POMT2: variants seen among roughly 807,000 people sequenced by gnomAD.
The protein encoded by POMT2 is protein O-mannosyltransferase 2.
POMT2 carries 75 observed loss-of-function variants against 100.0 expected under a neutral mutation model. The observed-to-expected ratio is 0.75, with a 90% CI of 0.62 to 0.91. The LOEUF (loss-of-function observed/expected upper bound fraction) is 0.91. Ranked by LOEUF, POMT2 falls within the 40% of genes least tolerant of loss-of-function variation. POMT2 has a pLI of 0.00. For synonymous variants in POMT2, 378 were observed against 374.1 expected (o/e 1.01, Z -0.12); for missense variants, 940 against 955.1 (o/e 0.98, Z 0.21).
chr14:77,280,329 C>A, intron 16 of POMT2, 63 bp downstream of exon 16: 1 of 1,610,862 alleles, frequency 6.2e-7, no homozygotes, highest in Non-Finnish European at 8.5e-7. Context: ...CCCGCCTCCA[C>A]CGGTCTCCCT....
chr14:77,278,703 CCCAAGT>C lies in POMT2; in HGVS notation c.2032+20_2032+25del, dbSNP rs761470810. ...GGCCCGCCCTCCACCTGCTCTGTCT[CCCAAGT>C]CCAGGTGGGTGGCACTGACCTGTCA... On this transcript the variant is annotated intron_variant, in intron 19 of 20. Transcript: ENST00000261534. 2.9e-5 allele frequency: 46 copies of C among 1,613,546 alleles called. No individual in the cohort carries two copies. The highest frequency in any genetic ancestry group is 3.9e-5 in the Non-Finnish European group (46 of 1,179,812).
intron 4 of POMT2, among the ~76,000 whole-genome samples, chr14:77,304,418 T>C (rs1891154193): frequency 6.6e-6 from 1 of 152,232 alleles, no homozygotes; most frequent in Non-Finnish European, 1.5e-5. Context: ...TTATTACCCA[T>C]TCCAAACTCA....
Position 77,278,856 on chromosome 14 carries a change from G to T in POMT2, c.1905C>A (p.Val635=). The T allele has an allele frequency of 1.9e-6, 3 of 1,613,310 alleles. No homozygotes were observed. Among genetic ancestry groups the T allele is most frequent in the Non-Finnish European group, 2.5e-6 (3 of 1,179,792 alleles). The change falls in exon 19 of 21, where the codon GTC becomes GTA. Residue 635 remains valine (V), a synonymous_variant. Transcript: ENST00000261534. ...LPAEVAGLSQ[V]LLRGGGQVLL... ...GGACCTGGCCGCCTCCTCGAAGCAGGACCTGGGACAACCCTGGGCCCAAGC... is the reference window on the plus strand; with the variant it reads ...GGACCTGGCCGCCTCCTCGAAGCAGTACCTGGGACAACCCTGGGCCCAAGC...
rs945916918 is a variant in POMT2 at position 77,291,472 on chromosome 14, C to T, written c.1117-92G>A. On this transcript the variant is annotated intron_variant, in intron 9 of 20. Transcript: ENST00000261534. ...CTGGCCAAGGACAATCAACCTCAAA[C>T]CAATGTTGCTTAAGCCAATTTCAGA... The T allele has an allele frequency of 4.6e-6, 7 of 1,528,718 alleles. No homozygotes were observed. The Admixed American group carries it at 1.4e-4, about 30-fold the overall frequency. The allele number at this position is 1,528,718 out of a possible 1,614,324, so 94.7% of individuals were successfully genotyped here.
intron 12 of POMT2, among the ~76,000 whole-genome samples, chr14:77,286,000 T>C (rs1306951104): frequency 1.3e-5 from 2 of 152,202 alleles, no homozygotes; most frequent in African/African-American, 4.8e-5. Flanking sequence ...TTGCATCCAT[T>C]ACCTTGGCTA....
intron 2 of POMT2, among the ~76,000 whole-genome samples, chr14:77,309,567 A>G (rs1891363402): frequency 6.6e-6 from 1 of 152,246 alleles, no homozygotes; most frequent in African/African-American, 2.4e-5. Context: ...GAGCTAAATT[A>G]GGGGTGCAGA....
chr14:77,281,372 A>G (rs1175855223), intron 15 of POMT2, among the ~76,000 whole-genome samples: 1 of 152,206 alleles, frequency 6.6e-6, no homozygotes, highest in Non-Finnish European at 1.5e-5. Context: ...TACATAAAAA[A>G]TTAGATATTT....
chr14:77,287,417 A>G (rs2140190440), intron 11 of POMT2: 1 of 152,104 alleles, frequency 6.6e-6, no homozygotes, highest in East Asian at 1.9e-4. Flanking sequence ...AATTTTTATT[A>G]ATGACAAATG....
intron 1 of POMT2, among the ~76,000 whole-genome samples, chr14:77,320,039 AT>A (rs371359192): frequency 3.3e-5 from 5 of 152,152 alleles, no homozygotes; most frequent in African/African-American, 1.2e-4. Flanking sequence ...ACAGTTAGGT[AT>A]TTTCTCCTCT....
At chr14:77,318,315 C>T (rs6574367) in intron 1 of POMT2, among the ~76,000 whole-genome samples, 50,137 of 151,860 alleles carry the variant, frequency 0.33, 8,465 homozygotes, top group East Asian at 0.44. Flanking sequence ...CTTTATCTAG[C>T]AGGTCAGTAT....
chr14:77,320,633 G>A lies in POMT2; in HGVS notation c.49C>T (p.Arg17Trp), dbSNP rs1891854280. Residue 17 changes from arginine (R) to tryptophan (W), a missense_variant, in exon 1 of 21, where the codon CGG (arginine) becomes TGG (tryptophan). Arg to Trp is a moderately radical substitution (Grantham distance 101). Coordinates refer to ENST00000261534, the MANE Select transcript of POMT2 (RefSeq NM_013382.7). ...GCCTGGGGGCCACAGCGGCCCCTCCGGGGACGCAGCTCGGACTCTGCCAGG... is the reference window on the plus strand; with the variant it reads ...GCCTGGGGGCCACAGCGGCCCCTCCAGGGACGCAGCTCGGACTCTGCCAGG... ...GGLAESELRPRRGRCGPQAAR... is the reference protein window; with the variant it reads ...GGLAESELRPWRGRCGPQAAR... The A allele has an allele frequency of 6.3e-7, 1 of 1,592,444 alleles. No individual in the cohort carries two copies. The highest frequency in any genetic ancestry group is 8.5e-7 in the Non-Finnish European group (1 of 1,177,318).
At chr14:77,292,699 A>G (rs1050027832) in intron 9 of POMT2, among the ~76,000 whole-genome samples, 2 of 152,252 alleles carry the variant, frequency 1.3e-5, no homozygotes, top group African/African-American at 4.8e-5. Flanking sequence ...TTGCCCCATA[A>G]GATTATAATA....
At chr14:77,311,715 C>T (rs1321729307) in intron 2 of POMT2, among the ~76,000 whole-genome samples, 1 of 152,220 alleles carries the variant, frequency 6.6e-6, no homozygotes, top group Non-Finnish European at 1.5e-5. Context: ...GGCTGTGCCA[C>T]ACTTTGTTCA....
chr14:77,287,717 T>C (rs1890486494), intron 11 of POMT2: 1 of 152,168 alleles, frequency 6.6e-6, no homozygotes, highest in South Asian at 2.1e-4. Flanking sequence ...TTTGGGTGTG[T>C]ACTATTGTCA....
At chr14:77,279,002 A>C in intron 18 of POMT2, 133 bp from the exon 19 acceptor site, 3 of 1,208,454 alleles carry the variant, frequency 2.5e-6, no homozygotes, top group Non-Finnish European at 3.5e-6. Flanking sequence ...AACCCAAACC[A>C]CGCTACAGAA....
intron 16 of POMT2, 98 bp from the exon 17 acceptor site, chr14:77,280,178 C>T: frequency 6.2e-7 from 1 of 1,600,820 alleles, no homozygotes; most frequent in Non-Finnish European, 8.5e-7. Context: ...GACAGGGAGC[C>T]TGGACACGAA....
intron 5 of POMT2, 52 bp from the exon 6 acceptor site, chr14:77,301,301 C>G: frequency 6.2e-7 from 1 of 1,605,486 alleles, no homozygotes; most frequent in Non-Finnish European, 8.5e-7. Flanking sequence ...CAAAGCCAAA[C>G]GCAAGCGCAG....
At chr14:77,316,924 C>A (rs1170709650) in intron 1 of POMT2, among the ~76,000 whole-genome samples, 1 of 152,222 alleles carries the variant, frequency 6.6e-6, no homozygotes, top group African/African-American at 2.4e-5. Context: ...CACATCATGG[C>A]TGCCTGCCAA....
chr14:77,286,121 A>C (rs1202353730), intron 12 of POMT2, among the ~76,000 whole-genome samples: 2 of 152,218 alleles, frequency 1.3e-5, no homozygotes, highest in Non-Finnish European at 2.9e-5. Flanking sequence ...AGAAGATTAG[A>C]ATGTTCACAG....
Sources: gnomAD v4.1 joint callset for allele counts (sites outside exome capture counted in the v4.1 genomes callset) on GRCh38, gnomAD v4.1.1 for gene constraint, MANE v1.5 for transcripts, NCBI Gene and HGNC (gene_info 2026-07-23, HGNC 2026-07-21) for gene names.